Variants in SYCP1 observed in about 807,000 individuals in gnomAD.
SYCP1 encodes the protein synaptonemal complex protein 1, also known as cancer/testis antigen 8.
SYCP1 carries 64 observed loss-of-function variants against 153.1 expected under a neutral mutation model. The ratio of observed to expected loss-of-function variants is 0.42; its 90% CI spans 0.34 to 0.51. SYCP1 has a LOEUF of 0.51. SYCP1 is among the 20% of genes least tolerant of loss of function. The pLI, the probability that SYCP1 is intolerant of heterozygous loss-of-function variation, is 0.06. For synonymous variants in SYCP1, 384 were observed against 341.8 expected (o/e 1.12, Z -1.36); for missense variants, 997 against 1,049.0 (o/e 0.95, Z 0.68).
chr1:114,895,592 A>G (rs1667006854), intron 16 of SYCP1, 83 bp downstream of exon 16: 1 of 675,382 alleles, frequency 1.5e-6, no homozygotes, highest in Non-Finnish European at 2.3e-6. Flanking sequence ...CTCTCACACT[A>G]TAGATGTTTT....
intron 30 of SYCP1, among the ~76,000 whole-genome samples, chr1:114,988,603 A>G (rs1469148031): frequency 1.3e-5 from 2 of 152,026 alleles, no homozygotes; most frequent in Admixed American, 6.6e-5. Flanking sequence ...ATATTTCCAG[A>G]TAAACAAAAG....
chr1:114,931,439 C>A (rs1034234011), intron 23 of SYCP1, among the ~76,000 whole-genome samples: 3 of 151,958 alleles, frequency 2.0e-5, no homozygotes, highest in Non-Finnish European at 4.4e-5. Context: ...TATATGCTAA[C>A]AGCTAGTAAT....
intron 30 of SYCP1, among the ~76,000 whole-genome samples, chr1:114,989,743 TA>T: frequency 6.6e-6 from 1 of 151,964 alleles, no homozygotes; most frequent in East Asian, 1.9e-4. Context: ...GACTTTAAAT[TA>T]AAAAGTGCAA....
intron 21 of SYCP1, among the ~76,000 whole-genome samples, chr1:114,924,868 A>G (rs360586): frequency 0.59 from 89,460 of 151,742 alleles, 26,718 homozygotes; most frequent in African/African-American, 0.66. Flanking sequence ...TTTGACATGA[A>G]GATTGTTAAA....
Position 114,886,264 on chromosome 1 carries a change from C to A in SYCP1, c.1145C>A (p.Thr382Asn). The A allele has an allele frequency of 1.2e-6, 2 of 1,604,858 alleles. No homozygotes were observed. The highest frequency in any genetic ancestry group is 8.5e-7 in the Non-Finnish European group (1 of 1,176,226). Residue 382 changes from threonine (T) to asparagine (N), a missense_variant, in exon 14 of 32, where the codon ACT (threonine) becomes AAT (asparagine). Coordinates refer to ENST00000369522, the MANE Select transcript of SYCP1 (RefSeq NM_003176.4). ...AHSFVVTEFE[T>N]TVCSLEELLR... ...TCGTTTGTGGTTACTGAATTTGAAA[C>A]TACTGTCTGCAGCTTGGAAGAATTA...
chr1:114,981,549 T>TTAAA (rs760813495), intron 29 of SYCP1, 37 bp downstream of exon 29: 3 of 1,526,808 alleles, frequency 2.0e-6, no homozygotes, highest in Non-Finnish European at 2.6e-6. Context: ...TAGTAATTTT[T>TTAAA]TAAATAAATA....
chr1:114,939,647 T>C (rs977922778), intron 23 of SYCP1, among the ~76,000 whole-genome samples: 1 of 152,200 alleles, frequency 6.6e-6, no homozygotes, highest in Non-Finnish European at 1.5e-5. Flanking sequence ...ATTAGTTTGT[T>C]AAGGGATATG....
chr1:114,860,479 ATTTG>A (rs1384029271), intron 7 of SYCP1, among the ~76,000 whole-genome samples: 1 of 152,044 alleles, frequency 6.6e-6, no homozygotes, highest in African/African-American at 2.4e-5. Flanking sequence ...TGTCACTTTT[ATTTG>A]TTTATTTATT....
intron 28 of SYCP1, among the ~76,000 whole-genome samples, chr1:114,978,524 C>G (rs745424197): frequency 6.6e-6 from 1 of 151,578 alleles, no homozygotes; most frequent in African/African-American, 2.4e-5. Flanking sequence ...AGCTTCTAAC[C>G]TATTTGATAA....
intron 30 of SYCP1, among the ~76,000 whole-genome samples, chr1:114,985,526 A>G (rs1329376260): frequency 6.6e-6 from 1 of 151,960 alleles, no homozygotes; most frequent in East Asian, 1.9e-4. Context: ...GGAGCAATGC[A>G]CCAAAAATTC....
At chr1:114,856,921 C>CAAAAAA (rs758650224) in intron 3 of SYCP1, among the ~76,000 whole-genome samples, 614 of 37,256 alleles carry the variant, frequency 0.016, 51 homozygotes, top group Middle Eastern at 0.045. Flanking sequence ...CCTGTCTGTA[C>CAAAAAA]AAAAAAAAAA....
At chr1:114,914,842 G>A (rs560607228) in intron 20 of SYCP1, among the ~76,000 whole-genome samples, 1 of 152,212 alleles carries the variant, frequency 6.6e-6, no homozygotes, top group Admixed American at 6.5e-5. Flanking sequence ...AGACCGAGAT[G>A]TACAATACAA....
chr1:114,918,533 A>G (rs972430968), intron 20 of SYCP1, among the ~76,000 whole-genome samples: 5 of 151,972 alleles, frequency 3.3e-5, no homozygotes, highest in African/African-American at 1.2e-4. Flanking sequence ...GAATAATGTC[A>G]TTGGTATTTT....
At chr1:114,955,746 A>T (rs1371812935) in intron 27 of SYCP1, among the ~76,000 whole-genome samples, 1 of 152,036 alleles carries the variant, frequency 6.6e-6, no homozygotes, top group Non-Finnish European at 1.5e-5. Flanking sequence ...TCATTTTGAG[A>T]GTGCAGACTG....
At chr1:114,942,670 A>G (rs1435436042) in intron 23 of SYCP1, among the ~76,000 whole-genome samples, 1 of 151,974 alleles carries the variant, frequency 6.6e-6, no homozygotes, top group Non-Finnish European at 1.5e-5. Flanking sequence ...CACTACATAC[A>G]AACACAAATT....
chr1:114,922,869 A>G (rs1668988476), intron 20 of SYCP1, among the ~76,000 whole-genome samples: 2 of 152,206 alleles, frequency 1.3e-5, no homozygotes, highest in Admixed American at 1.3e-4. Flanking sequence ...AAACAAGTTA[A>G]TTACTTCCAA....
chr1:114,976,309 C>G (rs777590381), intron 27 of SYCP1, among the ~76,000 whole-genome samples: 4 of 151,102 alleles, frequency 2.6e-5, no homozygotes, highest in Non-Finnish European at 4.4e-5. Context: ...CAAGTCAACT[C>G]TCTGTTTGCC....
intron 27 of SYCP1, among the ~76,000 whole-genome samples, chr1:114,971,708 T>A (rs777710032): frequency 6.6e-6 from 1 of 152,186 alleles, no homozygotes; most frequent in Admixed American, 6.5e-5. Context: ...TGGTTTGATA[T>A]GATATATCAC....
At chr1:114,890,246 T>G (rs1207983697) in intron 15 of SYCP1, among the ~76,000 whole-genome samples, 2 of 151,914 alleles carry the variant, frequency 1.3e-5, no homozygotes, top group Non-Finnish European at 2.9e-5. Flanking sequence ...GTGTCCAAAA[T>G]GAAGGGGTGA....
Sources: gnomAD v4.1 joint callset for allele counts (sites outside exome capture counted in the v4.1 genomes callset) on GRCh38, gnomAD v4.1.1 for gene constraint, MANE v1.5 for transcripts, NCBI Gene and HGNC (gene_info 2026-07-23, HGNC 2026-07-21) for gene names.